Variants in GOLGA4 observed in about 807,000 individuals in gnomAD.
GOLGA4 encodes the protein golgin A4, also known as golgin subfamily A member 4.
Under a neutral mutation model 265.9 loss-of-function variants are expected in GOLGA4, and 169 were observed. That is an observed-to-expected ratio of 0.64 (90% CI 0.56 to 0.72). The LOEUF (loss-of-function observed/expected upper bound fraction) is 0.72, where lower values mean the gene tolerates loss of function less well. Ranked by LOEUF, GOLGA4 falls within the 30% of genes least tolerant of loss-of-function variation. The pLI is 0.00. For missense variants in GOLGA4, 2,482 were observed against 2,483.4 expected (o/e 1.00, Z 0.01); for synonymous variants, 923 against 855.8 (o/e 1.08, Z -1.37).
rs143713569 is a variant in GOLGA4 at position 37,326,043 on chromosome 3, G to A, written c.4157G>A (p.Ser1386Asn). ...GATTTGAATGTTCAGCTTCAAAATA[G>A]CATCAGCCTATCCGAAAAAGAAGCA... Reference protein sequence around the residue: ...LTDLNVQLQNSISLSEKEAAI... With the variant: ...LTDLNVQLQNNISLSEKEAAI... The change falls in exon 14 of 24, where the codon AGC becomes AAC. Residue 1386 changes from serine (S) to asparagine (N), a missense_variant. Physicochemically the swap from Ser to Asn is conservative, Grantham distance 46. Around this residue, in one of 3 missense-constraint regions of GOLGA4, gnomAD observed 942 missense variants for 983.1 expected, o/e 0.96. Coordinates refer to ENST00000361924, the MANE Select transcript of GOLGA4 (RefSeq NM_002078.5). The A allele has an allele frequency of 6.2e-6, 10 of 1,613,226 alleles. No individual in the cohort carries two copies. The highest frequency in any genetic ancestry group is 1.1e-5 in the South Asian group (1 of 91,060).
At chr3:37,304,727 A>T (rs1159953192) in intron 10 of GOLGA4, among the ~76,000 whole-genome samples, 1 of 152,216 alleles carries the variant, frequency 6.6e-6, no homozygotes, top group Non-Finnish European at 1.5e-5. Context: ...TAGACAAAAT[A>T]TATAGTTCAT....
intron 5 of GOLGA4, among the ~76,000 whole-genome samples, chr3:37,292,263 G>A (rs532170243): frequency 7.2e-5 from 11 of 152,262 alleles, no homozygotes; most frequent in Admixed American, 5.9e-4. Flanking sequence ...AAGAAATGAA[G>A]TTTACCTTCC....
intron 14 of GOLGA4, 142 bp downstream of exon 14, chr3:37,327,967 A>C: frequency 1.5e-6 from 1 of 664,658 alleles, no homozygotes. Flanking sequence ...AATATGTTAA[A>C]TATGAGGAGA....
At position 37,303,341 on chromosome 3, in the gene GOLGA4, C is replaced by T. The variant is rs554027941; in HGVS notation, c.1234+1009C>T. On this transcript the variant is annotated intron_variant, in intron 10 of 23. Transcript: ENST00000361924. Reference sequence around the variant, plus strand: ...AGTTTGAGGGACTGTGAGCTTTAGCCGCCTTGCTAGGATGGTGGTTCTGGG... The same window carrying T: ...AGTTTGAGGGACTGTGAGCTTTAGCTGCCTTGCTAGGATGGTGGTTCTGGG... 2.5e-3 allele frequency among the ~76,000 whole-genome samples: 376 copies of T among 152,238 alleles called. 1 individual carries two copies. The highest frequency in any genetic ancestry group is 8.5e-3 in the African/African-American group (353 of 41,530).
intron 23 of GOLGA4, among the ~76,000 whole-genome samples, chr3:37,361,680 A>G (rs954446038): frequency 6.6e-6 from 1 of 152,248 alleles, no homozygotes; most frequent in African/African-American, 2.4e-5. Context: ...ATCATTTTCT[A>G]GATAAAAATG....
At position 37,325,376 on chromosome 3, in the gene GOLGA4, G is replaced by A; in HGVS notation, c.3490G>A (p.Ala1164Thr). The A allele has an allele frequency of 1.2e-6, 2 of 1,613,056 alleles. No homozygotes were observed. The highest frequency in any genetic ancestry group is 1.7e-6 in the Non-Finnish European group (2 of 1,179,530). ...GCAGCTAGTTGAACTGAAGATGCTGGCAGAAGAAGATAAGCGGAAGGTTTC... is the reference window on the plus strand; with the variant it reads ...GCAGCTAGTTGAACTGAAGATGCTGACAGAAGAAGATAAGCGGAAGGTTTC... ...QEQLVELKML[A>T]EEDKRKVSEL... The change falls in exon 14 of 24, where the codon GCA becomes ACA. Residue 1164 changes from alanine (A) to threonine (T), a missense_variant. Physicochemically the swap from Ala to Thr is moderately conservative, Grantham distance 58. Coordinates refer to ENST00000361924, the MANE Select transcript of GOLGA4 (RefSeq NM_002078.5).
In GOLGA4 at chr3:37,315,508, A is replaced by G; in HGVS notation, c.1323A>G (p.Ile441Met). 6.2e-7 allele frequency: 1 copy of G among 1,614,012 alleles called. No homozygotes were observed. Among genetic ancestry groups the G allele is most frequent in the Non-Finnish European group, 8.5e-7 (1 of 1,179,878 alleles). ...TGAAGGCAGAAATGGATGAACAAAT[A>G]AAAACTATCGAAAAAACAAGTGAGG... ...RKLKAEMDEQ[I>M]KTIEKTSEEE... The change falls in exon 11 of 24, where the codon ATA becomes ATG. Residue 441 changes from isoleucine (I) to methionine (M), a missense_variant. By Grantham distance (10) the Ile-to-Met change is conservative. Around this residue, in one of 3 missense-constraint regions of GOLGA4, gnomAD observed 1,536 missense variants for 1,483.7 expected, o/e 1.04. Coordinates refer to ENST00000361924, the MANE Select transcript of GOLGA4 (RefSeq NM_002078.5).
intron 17 of GOLGA4, among the ~76,000 whole-genome samples, 159 bp from the exon 18 acceptor site, chr3:37,336,984 A>G (rs1349687924): frequency 6.6e-6 from 1 of 152,136 alleles, no homozygotes; most frequent in African/African-American, 2.4e-5. Context: ...ACATTTGTTT[A>G]GAAGCACATA....
At chr3:37,362,628 T>G (rs1020513064) in intron 23 of GOLGA4, among the ~76,000 whole-genome samples, 15 of 151,856 alleles carry the variant, frequency 9.9e-5, no homozygotes, top group African/African-American at 3.6e-4. Flanking sequence ...TGTCAGCTCC[T>G]GGGCTCAAGG....
intron 2 of GOLGA4, among the ~76,000 whole-genome samples, chr3:37,279,044 G>T (rs1232313419): frequency 6.6e-6 from 1 of 152,114 alleles, no homozygotes; most frequent in Non-Finnish European, 1.5e-5. Flanking sequence ...TAAAAACAAT[G>T]TATATACACA....
intron 2 of GOLGA4, chr3:37,266,712 G>T (rs1330509023): frequency 6.0e-6 from 2 of 331,874 alleles, no homozygotes; most frequent in Non-Finnish European, 1.2e-5. Flanking sequence ...TGGTGGTGAT[G>T]GTGGTACTGA....
Position 37,275,672 on chromosome 3 carries a change from C to G in GOLGA4, c.163-6286C>G, listed in dbSNP as rs141045079. On this transcript the variant is annotated intron_variant, in intron 2 of 23. Coordinates refer to ENST00000361924, the MANE Select transcript of GOLGA4 (RefSeq NM_002078.5). Reference sequence around the variant, plus strand: ...CTTCCCCTTGCCAGCGGGGTGGGCGCGGAGAAGACCTGCCGGAGCCATGGA... The same window carrying G: ...CTTCCCCTTGCCAGCGGGGTGGGCGGGGAGAAGACCTGCCGGAGCCATGGA... 12,829 of 1,611,550 alleles carry G rather than the reference C, an allele frequency of 8.0e-3. 66 individuals carry two copies. The highest frequency in any genetic ancestry group is 0.016 in the Middle Eastern group (72 of 4,442).
intron 6 of GOLGA4, among the ~76,000 whole-genome samples, chr3:37,295,779 T>C (rs989361054): frequency 3.3e-5 from 5 of 152,210 alleles, no homozygotes; most frequent in Admixed American, 2.6e-4. Flanking sequence ...GTGAAAACCA[T>C]GTGTAGTGAA....
chr3:37,314,642 AACACACACACAC>A (rs60890140), intron 10 of GOLGA4, among the ~76,000 whole-genome samples: 1,975 of 139,042 alleles, frequency 0.014, 47 homozygotes, highest in African/African-American at 0.051. Flanking sequence ...CTCCGTCTCA[AACACACACACAC>A]ACACACACAC....
chr3:37,321,786 C>A lies in GOLGA4; in HGVS notation c.1601C>A (p.Ser534Tyr), dbSNP rs1324343528. ...AGCCAAGAAAAAGAACAGCAAGAAT[C>A]TTTGGCCCTAGAAGAGTTAGAGTTG... ...KISQEKEQQESLALEELELQK... is the reference protein window; with the variant it reads ...KISQEKEQQEYLALEELELQK... Residue 534 changes from serine to tyrosine, a missense_variant, in exon 13 of 24, where the codon TCT becomes TAT. Physicochemically the swap from Ser to Tyr is moderately radical, Grantham distance 144. This residue lies in a region of GOLGA4 where 1,536 missense variants were observed against 1,483.7 expected (regional missense o/e 1.04). Coordinates refer to ENST00000361924, the MANE Select transcript of GOLGA4 (RefSeq NM_002078.5). 3.7e-6 allele frequency: 6 copies of A among 1,612,502 alleles called. No individual in the cohort carries two copies. In the African/African-American group the frequency reaches 8.0e-5, roughly 22 times the overall value.
chr3:37,288,103 A>ATTT (rs1203747752), intron 4 of GOLGA4, among the ~76,000 whole-genome samples: 1,725 of 118,546 alleles, frequency 0.015, 101 homozygotes, highest in African/African-American at 0.055. Flanking sequence ...TAGCTTCTTG[A>ATTT]TTTTTTTTTT....
chr3:37,302,702 A>G (rs961731837), intron 10 of GOLGA4: 1 of 193,790 alleles, frequency 5.2e-6, no homozygotes, highest in Non-Finnish European at 1.1e-5. Flanking sequence ...TTAAAATTGT[A>G]GAACTTCCCA....
At position 37,296,158 on chromosome 3, in the gene GOLGA4, G is replaced by A. The variant is rs758187497; in HGVS notation, c.753G>A (p.Leu251=). The change falls in exon 7 of 24, where the codon CTG becomes CTA. Residue 251 remains leucine (L), a synonymous_variant. Coordinates refer to ENST00000361924, the MANE Select transcript of GOLGA4 (RefSeq NM_002078.5). ...NVDVLKPLPQ[L]EPQAEVFTKE... ...ATGTACTGAAACCACTTCCTCAGCT[G>A]GAACCACAGGCTGAAGTCTTCACTA... 2 of 1,613,140 alleles carry A rather than the reference G, an allele frequency of 1.2e-6. No individual in the cohort carries two copies. The highest frequency in any genetic ancestry group is 4.5e-5 in the East Asian group (2 of 44,878).
chr3:37,365,610 A>C (rs1052731368), intron 23 of GOLGA4, among the ~76,000 whole-genome samples: 1 of 152,134 alleles, frequency 6.6e-6, no homozygotes, highest in South Asian at 2.1e-4. Flanking sequence ...GATTCAGCCA[A>C]GTCAGCGTGT....
Sources: gnomAD v4.1 joint callset for allele counts (sites outside exome capture counted in the v4.1 genomes callset) on GRCh38, gnomAD v4.1.1 for gene constraint, gnomAD v4.1.1 regional missense constraint, MANE v1.5 for transcripts, NCBI Gene and HGNC (gene_info 2026-07-23, HGNC 2026-07-21) for gene names.